MAOA: variants seen among roughly 807,000 people sequenced by gnomAD.
MAOA encodes the protein monoamine oxidase A, also known as amine oxidase [flavin-containing] A.
In MAOA, 6 loss-of-function variants were observed where a neutral mutation model predicts 42.0. That is an observed-to-expected ratio of 0.14 (90% CI 0.08 to 0.28). The LOEUF (loss-of-function observed/expected upper bound fraction) is 0.28. MAOA is among the 10% of genes least tolerant of loss of function. The probability of loss-of-function intolerance (pLI) is 1.00; values close to 1 mark genes in which losing one functional copy is unlikely to be tolerated. For synonymous variants in MAOA, 140 were observed against 154.0 expected (o/e 0.91, Z 0.67); for missense variants, 262 against 422.3 (o/e 0.62, Z 3.33).
chrX:43,740,816 T>A (rs1332948566), intron 11 of MAOA, 78 bp downstream of exon 11: 10 of 915,147 alleles, frequency 1.1e-5, no homozygotes, highest in Middle Eastern at 2.8e-4. Flanking sequence ...ATATTCTGAT[T>A]TTTTGACAGT....
intron 6 of MAOA, among the ~76,000 whole-genome samples, chrX:43,730,194 CAAA>C (rs1219771036): frequency 5.2e-5 from 2 of 38,116 alleles, no homozygotes; most frequent in Non-Finnish European, 4.9e-5. Context: ...AACTCCGTCT[CAAA>C]AAAAAAAAAA....
chrX:43,741,832 A>G, intron 11 of MAOA, 118 bp from the exon 12 acceptor site: 1 of 1,143,283 alleles, frequency 8.7e-7, no homozygotes, highest in Non-Finnish European at 1.2e-6. Context: ...GTGAGTTAGA[A>G]AAACAGGATT....
intron 3 of MAOA, among the ~76,000 whole-genome samples, chrX:43,699,243 T>C (rs754232137): frequency 8.9e-6 from 1 of 112,218 alleles, no homozygotes; most frequent in East Asian, 2.8e-4. Context: ...ATTACTTGCA[T>C]TAGTAAATAA....
chrX:43,658,327 C>T (rs192188380), intron 1 of MAOA, among the ~76,000 whole-genome samples: 11 of 111,628 alleles, frequency 9.9e-5, no homozygotes, highest in Non-Finnish European at 1.9e-4. Flanking sequence ...ATTACCTGCT[C>T]TTCCTCCCTT....
Position 43,728,260 on chromosome X carries a change from T to C in MAOA, c.591T>C (p.Tyr197=). The C allele has an allele frequency of 8.3e-7, 1 of 1,210,763 alleles. No individual in the cohort carries two copies. The highest frequency in any genetic ancestry group is 1.1e-6 in the Non-Finnish European group (1 of 894,603). The change falls in exon 6 of 15, where the codon TAT becomes TAC. Residue 197 remains tyrosine, a synonymous_variant. Transcript: ENST00000338702. Reference sequence around the variant, plus strand: ...TGTCTGCCCTGTGGTTCTTGTGGTATGTGAAGCAGTGCGGGGGCACCACTC... The same window carrying C: ...TGTCTGCCCTGTGGTTCTTGTGGTACGTGAAGCAGTGCGGGGGCACCACTC... ...HEVSALWFLW[Y]VKQCGGTTRI...
At chrX:43,675,903 A>G (rs1055089632) in intron 1 of MAOA, among the ~76,000 whole-genome samples, 5 of 112,202 alleles carry the variant, frequency 4.5e-5, no homozygotes, top group African/African-American at 1.6e-4. Flanking sequence ...TCAGGGACCC[A>G]CTTTAGGAGG....
At chrX:43,714,158 C>T (rs1160954157) in intron 5 of MAOA, among the ~76,000 whole-genome samples, 1 of 110,959 alleles carries the variant, frequency 9.0e-6, no homozygotes, top group Non-Finnish European at 1.9e-5. Flanking sequence ...AAAAATTACC[C>T]ACAAGGGCAA....
intron 11 of MAOA, among the ~76,000 whole-genome samples, 177 bp downstream of exon 11, chrX:43,740,915 A>G (rs903089312): frequency 9.0e-6 from 1 of 111,598 alleles, no homozygotes; most frequent in African/African-American, 3.3e-5. Context: ...TATTAGGCGC[A>G]TGGAATTTCT....
At chrX:43,735,377 C>A (rs1265951656) in intron 9 of MAOA, among the ~76,000 whole-genome samples, 1 of 112,184 alleles carries the variant, frequency 8.9e-6, no homozygotes, top group African/African-American at 3.2e-5. Context: ...CAATTCAATT[C>A]TTTTAAATAT....
intron 3 of MAOA, among the ~76,000 whole-genome samples, chrX:43,697,701 T>C (rs769756871): frequency 1.8e-5 from 2 of 111,643 alleles, no homozygotes; most frequent in Non-Finnish European, 3.8e-5. Flanking sequence ...GGCAAAAAAG[T>C]AGTGGGTTGG....
chrX:43,657,225 TTA>T (rs748163326), intron 1 of MAOA, among the ~76,000 whole-genome samples: 3 of 71,536 alleles, frequency 4.2e-5, no homozygotes, highest in African/African-American at 2.2e-4. Context: ...TGAACTGTGT[TTA>T]TATATATATA....
At chrX:43,722,584 T>A (rs2033800173) in intron 5 of MAOA, among the ~76,000 whole-genome samples, 1 of 112,292 alleles carries the variant, frequency 8.9e-6, no homozygotes, top group Admixed American at 9.5e-5. Context: ...TTCTGGATAT[T>A]AGCCCTTTGT....
intron 5 of MAOA, among the ~76,000 whole-genome samples, chrX:43,714,698 A>C (rs185533901): frequency 9.7e-6 from 1 of 103,346 alleles, no homozygotes; most frequent in East Asian, 3.3e-4. Flanking sequence ...GGGAACAAGA[A>C]TGGATCCCTG....
At chrX:43,718,962 A>G (rs1295843490) in intron 5 of MAOA, among the ~76,000 whole-genome samples, 1 of 110,685 alleles carries the variant, frequency 9.0e-6, no homozygotes, top group Non-Finnish European at 1.9e-5. Context: ...TCCAGGGATG[A>G]CCCAAAGGGG....
intron 5 of MAOA, among the ~76,000 whole-genome samples, chrX:43,727,010 GAAC>G (rs1350043350): frequency 8.9e-6 from 1 of 111,895 alleles, no homozygotes; most frequent in African/African-American, 3.3e-5. Context: ...AGAGGCTACA[GAAC>G]AGCAACTATT....
chrX:43,703,381 A>G (rs765024952), intron 3 of MAOA, among the ~76,000 whole-genome samples: 36 of 112,242 alleles, frequency 3.2e-4, no homozygotes, highest in Non-Finnish European at 1.9e-5. Context: ...CTAAGGGCAG[A>G]AACTCAGCAT....
chrX:43,737,693 G>A (rs2033930272), intron 10 of MAOA, among the ~76,000 whole-genome samples: 1 of 111,675 alleles, frequency 9.0e-6, no homozygotes, highest in Non-Finnish European at 1.9e-5. Context: ...CATCATTTCC[G>A]CAGAGACCCC....
chrX:43,728,921 C>A (rs2033859835), intron 6 of MAOA, among the ~76,000 whole-genome samples: 1 of 113,243 alleles, frequency 8.8e-6, no homozygotes, highest in African/African-American at 3.2e-5. Flanking sequence ...AAGCCAGAAT[C>A]CTAATTCCCC....
chrX:43,684,520 T>C (rs2033468642), intron 2 of MAOA, among the ~76,000 whole-genome samples: 1 of 103,031 alleles, frequency 9.7e-6, no homozygotes, highest in Non-Finnish European at 2.0e-5. Context: ...AACAGTCAAC[T>C]GACACAATAT....
Sources: allele counts gnomAD v4.1 joint callset (sites outside exome capture counted in the v4.1 genomes callset), GRCh38; gene constraint gnomAD v4.1.1; transcripts MANE v1.5; gene names NCBI Gene and HGNC (gene_info 2026-07-23, HGNC 2026-07-21).